The following CERS4 variants were observed in gnomAD, a reference collection of about 807,000 sequenced individuals.
CERS4 encodes LAG1 homolog, ceramide synthase 4.
In CERS4, 65 loss-of-function variants were observed where a neutral mutation model predicts 51.8. The observed-to-expected ratio is 1.26, with a 90% CI of 1.03 to 1.54. The LOEUF is 1.54. CERS4 is among the 40% of genes most tolerant of loss of function. The pLI is 0.00. For synonymous variants in CERS4, 228 were observed against 208.4 expected, an observed-to-expected ratio of 1.09 and a Z score of -0.81; for missense variants, 563 against 500.4, an observed-to-expected ratio of 1.13 and a Z score of -1.19.
chr19:8,235,685 TG>T (rs1968218171), intron 2 of CERS4, among the ~76,000 whole-genome samples: 1 of 146,970 alleles, frequency 6.8e-6, no homozygotes, highest in Non-Finnish European at 1.5e-5. Context: ...CCTAGGAGTT[TG>T]AGACTAGCCC....
intron 8 of CERS4, 37 bp from the exon 9 acceptor site, chr19:8,256,912 A>C: frequency 6.2e-7 from 1 of 1,613,746 alleles, no homozygotes; most frequent in Non-Finnish European, 8.5e-7. Context: ...TTCCAGCATC[A>C]AGCCTCGTCC....
At chr19:8,255,313 G>A (rs1969317176) in intron 4 of CERS4, among the ~76,000 whole-genome samples, 1 of 152,140 alleles carries the variant, frequency 6.6e-6, no homozygotes, top group Non-Finnish European at 1.5e-5. Context: ...GTTCTGGAGG[G>A]ACGCAGGGAA....
At chr19:8,233,082 A>G (rs542218731) in intron 2 of CERS4, among the ~76,000 whole-genome samples, 3 of 151,314 alleles carry the variant, frequency 2.0e-5, no homozygotes, top group Non-Finnish European at 4.4e-5. Flanking sequence ...GGGTCTCTCT[A>G]TGTTGTCCAG....
At chr19:8,254,937 T>C (rs1466934198) in intron 4 of CERS4, among the ~76,000 whole-genome samples, 2 of 152,012 alleles carry the variant, frequency 1.3e-5, no homozygotes, top group Non-Finnish European at 2.9e-5. Context: ...CCCTGAGCCT[T>C]AGTGGGCACA....
At chr19:8,228,495 C>G (rs1414461982) in intron 2 of CERS4, among the ~76,000 whole-genome samples, 1 of 150,838 alleles carries the variant, frequency 6.6e-6, no homozygotes, top group Non-Finnish European at 1.5e-5. Flanking sequence ...GCCAGCATGG[C>G]GAAACCCCAT....
chr19:8,254,474 T>C (rs755991359), intron 3 of CERS4, 25 bp from the exon 4 acceptor site: 1 of 1,608,276 alleles, frequency 6.2e-7, no homozygotes, highest in Admixed American at 1.7e-5. Flanking sequence ...CCTGGGCTGA[T>C]AGGCTCTGTC....
In CERS4 at chr19:8,224,291, C is replaced by T. The variant is rs373031353; in HGVS notation, c.-2+13429C>T. Among the ~76,000 whole-genome samples the T allele has an allele frequency of 6.6e-5, 10 of 151,468 alleles. No individual in the cohort carries two copies. In the East Asian group the frequency reaches 1.8e-3, roughly 27 times the overall value. ...GTGTGGTGGCACGCGCTTGTAATCC[C>T]AGCTACTCAGGAGGCTGAGGCAGGA... On this transcript the variant is annotated intron_variant, in intron 2 of 11. Transcript: ENST00000251363.
In CERS4 at chr19:8,262,264, C is replaced by CT; in HGVS notation, c.*157dup. ...CTGATGATCTGTCTCCAGCCCCTTC[C>CT]TTCTGCCCACCCACCCTTCTTCCCT... On this transcript the variant is annotated 3_prime_UTR_variant, in exon 12 of 12. Coordinates refer to ENST00000251363, the MANE Select transcript of CERS4 (RefSeq NM_024552.3). 2 of 743,184 alleles carry CT rather than the reference C, an allele frequency of 2.7e-6. No homozygotes were observed. The highest frequency in any genetic ancestry group is 3.9e-6 in the Non-Finnish European group (2 of 515,960). The allele number at this position is 743,184 out of a possible 1,614,324, so 46.0% of individuals were successfully genotyped here. A position where few individuals can be genotyped will look rare whatever the true frequency, so the allele number is the denominator to read the frequency against.
At chr19:8,249,205 G>A (rs1211543758) in intron 2 of CERS4, among the ~76,000 whole-genome samples, 1 of 149,588 alleles carries the variant, frequency 6.7e-6, no homozygotes, top group Non-Finnish European at 1.5e-5. Flanking sequence ...GTGGATGGAC[G>A]ATGGGTGGAT....
chr19:8,256,398 G>A (rs1969383314), intron 7 of CERS4, 112 bp downstream of exon 7: 1 of 1,259,502 alleles, frequency 7.9e-7, no homozygotes, highest in Admixed American at 2.0e-5. Flanking sequence ...TCCCCACTGA[G>A]TCCCACGCTC....
At chr19:8,232,027 A>G (rs1255613029) in intron 2 of CERS4, among the ~76,000 whole-genome samples, 1 of 148,364 alleles carries the variant, frequency 6.7e-6, no homozygotes, top group Non-Finnish European at 1.5e-5. Flanking sequence ...ACAGGGTCTC[A>G]CTATCTTGCC....
At chr19:8,228,993 A>ACC (rs1967898685) in intron 2 of CERS4, among the ~76,000 whole-genome samples, 1 of 150,776 alleles carries the variant, frequency 6.6e-6, no homozygotes, top group Admixed American at 6.6e-5. Context: ...CATTGCACAC[A>ACC]CCAGCCTGGG....
At chr19:8,256,563 C>A in intron 7 of CERS4, 55 bp from the exon 8 acceptor site, 1 of 1,523,204 alleles carries the variant, frequency 6.6e-7, no homozygotes, top group Non-Finnish European at 9.0e-7. Context: ...AGCCATACCC[C>A]TGCCCGATTG....
intron 2 of CERS4, among the ~76,000 whole-genome samples, chr19:8,215,871 C>G (rs772996375): frequency 1.3e-5 from 2 of 152,108 alleles, no homozygotes; most frequent in African/African-American, 4.8e-5. Context: ...GGTAACAGGA[C>G]GGGAGGGAGG....
At chr19:8,235,057 G>A (rs1480332984) in intron 2 of CERS4, among the ~76,000 whole-genome samples, 2 of 137,786 alleles carry the variant, frequency 1.5e-5, no homozygotes, top group African/African-American at 5.5e-5. Flanking sequence ...TGCCCAGACT[G>A]GAGTGCAATG....
intron 2 of CERS4, among the ~76,000 whole-genome samples, chr19:8,233,613 T>G (rs1000481447): frequency 3.3e-5 from 5 of 152,314 alleles, no homozygotes; most frequent in Non-Finnish European, 7.3e-5. Context: ...AGTGTCTCTC[T>G]GTACTTTGCT....
intron 2 of CERS4, among the ~76,000 whole-genome samples, chr19:8,240,205 G>T (rs1170860867): frequency 6.6e-6 from 1 of 152,102 alleles, no homozygotes; most frequent in Non-Finnish European, 1.5e-5. Flanking sequence ...GATTAAGCTG[G>T]GGAGGCAGAG....
At chr19:8,241,019 T>G (rs1599556521) in intron 2 of CERS4, among the ~76,000 whole-genome samples, 1 of 147,610 alleles carries the variant, frequency 6.8e-6, no homozygotes. Flanking sequence ...GCGGGTGGGG[T>G]GAGGGGAGAA....
At chr19:8,254,322 C>CAAAAA (rs74176633) in intron 3 of CERS4, among the ~76,000 whole-genome samples, 177 bp from the exon 4 acceptor site, 1,550 of 38,712 alleles carry the variant, frequency 0.04, 220 homozygotes, top group African/African-American at 0.063. Context: ...TACTCTGTCT[C>CAAAAA]AAAAAAAAAA....
Sources: gnomAD v4.1 joint callset for allele counts (sites outside exome capture counted in the v4.1 genomes callset) on GRCh38, gnomAD v4.1.1 for gene constraint, MANE v1.5 for transcripts, NCBI Gene and HGNC (gene_info 2026-07-23, HGNC 2026-07-21) for gene names.